DGKB: variants seen among roughly 807,000 people sequenced by gnomAD.
DGKB encodes diacylglycerol kinase beta, also known as 90 kDa diacylglycerol kinase.
Under a neutral mutation model 114.3 loss-of-function variants are expected in DGKB, and 67 were observed. The observed-to-expected ratio is 0.59, with a 90% CI of 0.48 to 0.72. The LOEUF (loss-of-function observed/expected upper bound fraction) is 0.72. Ranked by LOEUF, DGKB falls within the 30% of genes least tolerant of loss-of-function variation. DGKB has a pLI of 0.00. For synonymous variants in DGKB, 398 were observed against 323.1 expected (o/e 1.23, Z -2.49); for missense variants, 907 against 975.2 (o/e 0.93, Z 0.93).
chr7:14,435,246 A>G lies in DGKB; in HGVS notation c.1835+42915T>C, dbSNP rs115049117. On this transcript the variant is annotated intron_variant, in intron 21 of 25. Coordinates refer to ENST00000402815, the MANE Select transcript of DGKB (RefSeq NM_001350709.2). ...TTTATTTGTATCACAAGGAAAGACT[A>G]TAATCACAACTAAACATCCATTGAT... Among the ~76,000 whole-genome samples, 375 of 152,250 alleles carry G rather than the reference A, an allele frequency of 2.5e-3. 1 individual carries two copies. Among genetic ancestry groups the G allele is most frequent in the African/African-American group, 8.4e-3 (351 of 41,566 alleles).
chr7:14,287,999 C>G (rs768378515), intron 23 of DGKB, among the ~76,000 whole-genome samples: 2 of 152,030 alleles, frequency 1.3e-5, no homozygotes, highest in Non-Finnish European at 2.9e-5. Context: ...CAGAACCAGC[C>G]AAGGCTATGA....
intron 23 of DGKB, among the ~76,000 whole-genome samples, chr7:14,321,310 G>A (rs1474433764): frequency 6.6e-6 from 1 of 151,932 alleles, no homozygotes; most frequent in Non-Finnish European, 1.5e-5. Flanking sequence ...ATTAAGCAAT[G>A]TAATTCTCCA....
intron 21 of DGKB, among the ~76,000 whole-genome samples, chr7:14,458,592 A>C (rs1268744367): frequency 6.6e-6 from 1 of 152,134 alleles, no homozygotes; most frequent in East Asian, 1.9e-4. Flanking sequence ...AGGAAGCACA[A>C]GGGGTCAGAG....
intron 13 of DGKB, among the ~76,000 whole-genome samples, chr7:14,670,265 G>A (rs1818735165): frequency 6.7e-6 from 1 of 150,314 alleles, no homozygotes; most frequent in African/African-American, 2.5e-5. Context: ...TCTCTTGGCA[G>A]ATTTTCAGTA....
intron 1 of DGKB, among the ~76,000 whole-genome samples, chr7:14,863,601 ATAGTT>A (rs1851290305): frequency 6.6e-6 from 1 of 152,100 alleles, no homozygotes; most frequent in Non-Finnish European, 1.5e-5. Flanking sequence ...GAATTAAAAT[ATAGTT>A]TAAAGTTTTA....
At chr7:14,207,702 T>TA (rs1467753756) in intron 23 of DGKB, among the ~76,000 whole-genome samples, 1 of 152,018 alleles carries the variant, frequency 6.6e-6, no homozygotes, top group African/African-American at 2.4e-5. Flanking sequence ...TCCTGACTGA[T>TA]AAATGTGTCA....
At chr7:14,326,665 G>A (rs946694478) in intron 23 of DGKB, among the ~76,000 whole-genome samples, 2 of 152,136 alleles carry the variant, frequency 1.3e-5, no homozygotes, top group Non-Finnish European at 2.9e-5. Flanking sequence ...TTGCGGGAAT[G>A]GCATAATGAT....
intron 1 of DGKB, among the ~76,000 whole-genome samples, chr7:14,846,481 G>A (rs1717418497): frequency 1.3e-5 from 2 of 152,196 alleles, no homozygotes; most frequent in South Asian, 4.1e-4. Context: ...CAGAGGCACA[G>A]CTATATCTCA....
At chr7:14,662,044 G>C (rs532061056) in intron 13 of DGKB, among the ~76,000 whole-genome samples, 8 of 152,104 alleles carry the variant, frequency 5.3e-5, no homozygotes, top group African/African-American at 1.7e-4. Flanking sequence ...ATCACACTCT[G>C]GGGCCCGTTG....
chr7:14,499,590 G>A (rs1000787362), intron 20 of DGKB, among the ~76,000 whole-genome samples: 2 of 151,742 alleles, frequency 1.3e-5, no homozygotes, highest in Non-Finnish European at 3.0e-5. Flanking sequence ...CAAAGGTGGA[G>A]CCTCACAGAT....
intron 20 of DGKB, among the ~76,000 whole-genome samples, chr7:14,521,776 A>T (rs1162284183): frequency 6.6e-6 from 1 of 152,086 alleles, no homozygotes; most frequent in African/African-American, 2.4e-5. Context: ...ATTTATACTG[A>T]CTGCTTTTGT....
chr7:14,345,602 C>G (rs1583312449), intron 21 of DGKB, among the ~76,000 whole-genome samples: 1 of 151,772 alleles, frequency 6.6e-6, no homozygotes. Context: ...ATGTGTTGAT[C>G]TAGCAGACTC....
At chr7:14,820,929 A>G (rs893235537) in intron 2 of DGKB, among the ~76,000 whole-genome samples, 21 of 152,152 alleles carry the variant, frequency 1.4e-4, no homozygotes, top group African/African-American at 3.6e-4. Context: ...CATAGTTATT[A>G]TCTTAGACCA....
intron 23 of DGKB, among the ~76,000 whole-genome samples, chr7:14,265,920 T>TTCTTA (rs746041089): frequency 7.2e-5 from 11 of 152,198 alleles, no homozygotes; most frequent in Non-Finnish European, 1.6e-4. Flanking sequence ...TTTAGTTTGT[T>TTCTTA]TCTTATCTTT....
In DGKB at chr7:14,520,446, A is replaced by G. The variant is rs530965140; in HGVS notation, c.1771-42221T>C. ...TTACTAAGGCCTTTTTTTCTCTTCT[A>G]CTACAGGCATTTACATCTATAAATG... On this transcript the variant is annotated intron_variant, in intron 20 of 25. Coordinates refer to ENST00000402815, the MANE Select transcript of DGKB (RefSeq NM_001350709.2). Among the ~76,000 whole-genome samples, 36 of 151,482 alleles carry G rather than the reference A, an allele frequency of 2.4e-4. No individual in the cohort carries two copies. In the South Asian group the frequency reaches 2.9e-3, roughly 12 times the overall value.
At chr7:14,845,945 A>G (rs981417841) in intron 1 of DGKB, among the ~76,000 whole-genome samples, 11 of 152,222 alleles carry the variant, frequency 7.2e-5, no homozygotes, top group Admixed American at 7.2e-4. Flanking sequence ...ATAAATAAGC[A>G]TCATTCCCAA....
chr7:14,353,022 A>G (rs1330611544), intron 21 of DGKB, among the ~76,000 whole-genome samples: 2 of 152,244 alleles, frequency 1.3e-5, no homozygotes, highest in Non-Finnish European at 2.9e-5. Context: ...AATGAAATGT[A>G]TGATAGTAAT....
chr7:14,538,480 G>C (rs1001521482), intron 20 of DGKB, among the ~76,000 whole-genome samples: 1 of 151,952 alleles, frequency 6.6e-6, no homozygotes, highest in Non-Finnish European at 1.5e-5. Flanking sequence ...AAAAACATAA[G>C]ATAATAACTG....
chr7:14,343,511 C>T (rs897507433), intron 22 of DGKB, among the ~76,000 whole-genome samples: 1 of 151,552 alleles, frequency 6.6e-6, no homozygotes, highest in Non-Finnish European at 1.5e-5. Context: ...GCTGTAAACA[C>T]AACACTTTTC....
Sources: allele counts gnomAD v4.1 joint callset (sites outside exome capture counted in the v4.1 genomes callset), GRCh38; gene constraint gnomAD v4.1.1; transcripts MANE v1.5; gene names NCBI Gene and HGNC (gene_info 2026-07-23, HGNC 2026-07-21).